The following SGCZ variants were observed in gnomAD, a reference collection of about 807,000 sequenced individuals.
SGCZ encodes sarcoglycan zeta.
A neutral mutation model predicts 41.3 loss-of-function variants in SGCZ; 40 were observed. The ratio of observed to expected loss-of-function variants is 0.97; its 90% CI spans 0.75 to 1.26. SGCZ has a LOEUF of 1.26. SGCZ is among the 50% of genes most tolerant of loss of function. SGCZ has a pLI of 0.00. For synonymous variants in SGCZ, 206 were observed against 137.5 expected (o/e 1.50, Z -3.49); for missense variants, 552 against 369.8 (o/e 1.49, Z -4.04).
intron 1 of SGCZ, among the ~76,000 whole-genome samples, chr8:14,875,556 G>T (rs768994373): frequency 2.0e-5 from 3 of 152,104 alleles, no homozygotes; most frequent in Admixed American, 6.6e-5. Flanking sequence ...CGAAAAGCAC[G>T]TGTTAAGAGT....
chr8:14,856,674 C>T (rs141664768), intron 1 of SGCZ, among the ~76,000 whole-genome samples: 20 of 152,188 alleles, frequency 1.3e-4, no homozygotes, highest in African/African-American at 4.8e-4. Flanking sequence ...GGAAATAATT[C>T]ACAAATTAAA....
chr8:14,531,733 TA>T (rs1469297302), intron 2 of SGCZ, among the ~76,000 whole-genome samples: 1 of 152,128 alleles, frequency 6.6e-6, no homozygotes, highest in African/African-American at 2.4e-5. Flanking sequence ...CCTTCCCTAC[TA>T]GTTTATTTTC....
At chr8:14,749,862 A>G (rs1585229809) in intron 1 of SGCZ, among the ~76,000 whole-genome samples, 1 of 152,170 alleles carries the variant, frequency 6.6e-6, no homozygotes, top group Non-Finnish European at 1.5e-5. Flanking sequence ...AAATCTCAAC[A>G]TAAGTAACAC....
chr8:15,054,755 C>T (rs965086069), intron 1 of SGCZ, among the ~76,000 whole-genome samples: 4 of 151,660 alleles, frequency 2.6e-5, no homozygotes, highest in Non-Finnish European at 5.9e-5. Flanking sequence ...GAGATCAAGA[C>T]CATCCTGGCT....
intron 1 of SGCZ, among the ~76,000 whole-genome samples, chr8:14,927,828 A>G (rs572735272): frequency 2.0e-5 from 3 of 152,304 alleles, no homozygotes; most frequent in Admixed American, 2.0e-4. Flanking sequence ...TTCTTCTTTC[A>G]ATAATTAATA....
chr8:14,782,246 G>C (rs1488898130), intron 1 of SGCZ, among the ~76,000 whole-genome samples: 1 of 152,116 alleles, frequency 6.6e-6, no homozygotes, highest in Non-Finnish European at 1.5e-5. Context: ...AATATGCTGA[G>C]ATTATTTGAG....
chr8:14,466,690 G>A (rs1344152780), intron 2 of SGCZ, among the ~76,000 whole-genome samples: 2 of 151,108 alleles, frequency 1.3e-5, no homozygotes, highest in Non-Finnish European at 2.9e-5. Flanking sequence ...CCACTGTCCT[G>A]TCTTCTAGTT....
At chr8:14,104,631 T>C (rs1478981557) in intron 6 of SGCZ, among the ~76,000 whole-genome samples, 1 of 152,120 alleles carries the variant, frequency 6.6e-6, no homozygotes. Context: ...GTTCTTCTCA[T>C]AGGTAGAAGA....
intron 2 of SGCZ, among the ~76,000 whole-genome samples, chr8:14,384,943 A>G (rs942559978): frequency 2.0e-5 from 3 of 152,252 alleles, no homozygotes; most frequent in Admixed American, 6.5e-5. Context: ...GTTACGTCAG[A>G]GGACTTGTGC....
chr8:14,110,858 G>C (rs1357888928), intron 5 of SGCZ, among the ~76,000 whole-genome samples: 1 of 152,068 alleles, frequency 6.6e-6, no homozygotes, highest in Non-Finnish European at 1.5e-5. Flanking sequence ...TTCCAGATCA[G>C]CCTGTCCAAC....
intron 1 of SGCZ, among the ~76,000 whole-genome samples, chr8:14,865,262 CAT>C (rs1173647297): frequency 6.6e-6 from 1 of 152,006 alleles, no homozygotes; most frequent in Non-Finnish European, 1.5e-5. Context: ...CCCTTACTCT[CAT>C]ATTCCAGTTA....
chr8:14,905,926 C>T (rs1414166374), intron 1 of SGCZ, among the ~76,000 whole-genome samples: 1 of 151,804 alleles, frequency 6.6e-6, no homozygotes, highest in Non-Finnish European at 1.5e-5. Flanking sequence ...TTGGAAGTAC[C>T]TCTACAAATA....
intron 2 of SGCZ, among the ~76,000 whole-genome samples, chr8:14,444,380 C>T (rs769951999): frequency 2.0e-5 from 3 of 152,040 alleles, no homozygotes; most frequent in Non-Finnish European, 2.9e-5. Flanking sequence ...TATTGCGGCA[C>T]TATTCACCAT....
Position 15,172,165 on chromosome 8 carries a change from T to TTTATTTATTTTA in SGCZ, c.39+65419_39+65420insTAAAATAAATAA, listed in dbSNP as rs1339622384. On this transcript the variant is annotated intron_variant, in intron 1 of 7. Transcript: ENST00000382080. ...GCCTTTTATACTCTGTTTTTTTTTT[T>TTTATTTATTTTA]TTTTTTTTTTTTTTGAGACGGAGTT... Among the ~76,000 whole-genome samples the TTTATTTATTTTA allele has an allele frequency of 7.1e-3, 419 of 58,836 alleles. 3 individuals carry two copies. The highest frequency in any genetic ancestry group is 0.015 in the Non-Finnish European group (297 of 19,626). 38.6% of individuals were successfully genotyped at this position (58,836 alleles called of 152,430 possible). A position where few individuals can be genotyped will look rare whatever the true frequency, so the allele number is the denominator to read the frequency against.
chr8:14,507,074 A>G (rs1232253314), intron 2 of SGCZ, among the ~76,000 whole-genome samples: 1 of 150,576 alleles, frequency 6.6e-6, no homozygotes, highest in Non-Finnish European at 1.5e-5. Flanking sequence ...CTCCACTTGG[A>G]TGTCAAATGG....
intron 2 of SGCZ, among the ~76,000 whole-genome samples, chr8:14,495,542 T>A (rs866152669): frequency 6.6e-6 from 1 of 152,206 alleles, no homozygotes; most frequent in Non-Finnish European, 1.5e-5. Context: ...AGTCATAATA[T>A]AACTGTATAT....
At chr8:14,471,445 T>TTA (rs1448121161) in intron 2 of SGCZ, among the ~76,000 whole-genome samples, 5 of 152,014 alleles carry the variant, frequency 3.3e-5, no homozygotes, top group East Asian at 1.9e-4. Flanking sequence ...ATGATATATT[T>TTA]TATATATATA....
At chr8:14,257,134 A>C (rs565610409) in intron 3 of SGCZ, among the ~76,000 whole-genome samples, 248 of 152,168 alleles carry the variant, frequency 1.6e-3, no homozygotes, top group Admixed American at 2.8e-3. Context: ...ATTGAGACCC[A>C]CCTGGGCAAT....
intron 1 of SGCZ, among the ~76,000 whole-genome samples, chr8:14,783,861 A>T (rs1800666537): frequency 6.6e-6 from 1 of 152,196 alleles, no homozygotes; most frequent in African/African-American, 2.4e-5. Flanking sequence ...AATGCTAAAA[A>T]ATTCAGAACA....
Sources: allele counts gnomAD v4.1 joint callset (sites outside exome capture counted in the v4.1 genomes callset), GRCh38; gene constraint gnomAD v4.1.1; transcripts MANE v1.5; gene names NCBI Gene and HGNC (gene_info 2026-07-23, HGNC 2026-07-21).